Variants in ACTR3C observed in about 807,000 individuals in gnomAD.
The protein encoded by ACTR3C is actin-related protein 3C.
A neutral mutation model predicts 26.3 loss-of-function variants in ACTR3C; 18 were observed. That is an observed-to-expected ratio of 0.68 (90% CI 0.47 to 1.01). ACTR3C has a LOEUF of 1.01. ACTR3C is among the 50% of genes least tolerant of loss of function. ACTR3C has a pLI of 0.00. For missense variants in ACTR3C, 184 were observed against 250.7 expected (o/e 0.73, Z 1.80); for synonymous variants, 55 against 94.5 (o/e 0.58, Z 2.42).
downstream of ACTR3C, among the ~76,000 whole-genome samples, chr7:150,243,739 T>C (rs4015652): frequency 0.066 from 9,869 of 150,206 alleles, 1,151 homozygotes; most frequent in African/African-American, 0.24. Context: ...ATAGTTGTTA[T>C]GCCGGATTGT....
chr7:150,284,577 G>C (rs1835615527), intron 6 of ACTR3C, among the ~76,000 whole-genome samples, 176 bp downstream of exon 6: 1 of 151,980 alleles, frequency 6.6e-6, no homozygotes, highest in Admixed American at 6.6e-5. Flanking sequence ...AAAAATTCTA[G>C]TTAACTGAGT....
chr7:150,115,834 A>G, the ACTR3C span, among the ~76,000 whole-genome samples: 1 of 152,176 alleles, frequency 6.6e-6, no homozygotes, highest in South Asian at 2.1e-4. Context: ...ATGAAGGACC[A>G]TTCTAGCTTG....
chr7:150,182,118 G>C, the ACTR3C span, among the ~76,000 whole-genome samples: 1 of 150,478 alleles, frequency 6.6e-6, no homozygotes, highest in African/African-American at 2.5e-5. Flanking sequence ...GCCCTCCTGA[G>C]GATCTAAGTT....
chr7:149,985,229 C>CACACACAT, the ACTR3C span, among the ~76,000 whole-genome samples: 38 of 151,388 alleles, frequency 2.5e-4, no homozygotes, highest in African/African-American at 9.0e-4. Flanking sequence ...CACACACACA[C>CACACACAT]ACACACACAC....
chr7:150,208,262 C>T, the ACTR3C span, among the ~76,000 whole-genome samples: 1 of 152,004 alleles, frequency 6.6e-6, no homozygotes, highest in South Asian at 2.1e-4. Flanking sequence ...CTACAGTTTG[C>T]GCTAAAGGGT....
the ACTR3C span, among the ~76,000 whole-genome samples, chr7:150,023,318 C>G: frequency 2.5e-4 from 4 of 15,936 alleles, no homozygotes; most frequent in African/African-American, 4.7e-4. Flanking sequence ...TAGATAGATA[C>G]ATACATACAT....
chr7:150,164,690 C>A, the ACTR3C span, among the ~76,000 whole-genome samples: 1 of 151,998 alleles, frequency 6.6e-6, no homozygotes, highest in Non-Finnish European at 1.5e-5. Context: ...TGTCATACTT[C>A]AGGCCAGGAG....
chr7:150,225,594 TTC>T, the ACTR3C span, among the ~76,000 whole-genome samples: 1 of 152,224 alleles, frequency 6.6e-6, no homozygotes, highest in East Asian at 1.9e-4. Flanking sequence ...TGTGTACAGT[TTC>T]TTTTGACTGT....
chr7:149,953,181 A>G, the ACTR3C span, among the ~76,000 whole-genome samples: 1 of 149,624 alleles, frequency 6.7e-6, no homozygotes, highest in Admixed American at 6.6e-5. Flanking sequence ...GCAAAGCAGC[A>G]GGTTACAGAA....
the ACTR3C span, among the ~76,000 whole-genome samples, chr7:149,947,097 CCTA>C: frequency 6.6e-6 from 1 of 151,406 alleles, no homozygotes; most frequent in Non-Finnish European, 1.5e-5. Context: ...TTCCCCATGT[CCTA>C]CACATCACTG....
chr7:150,145,076 C>G, the ACTR3C span, among the ~76,000 whole-genome samples: 3 of 152,072 alleles, frequency 2.0e-5, no homozygotes, highest in East Asian at 1.9e-4. Context: ...AGATTCCCCC[C>G]CTTTCCTATT....
the ACTR3C span, among the ~76,000 whole-genome samples, chr7:150,069,844 A>T: frequency 2.6e-5 from 4 of 152,242 alleles, no homozygotes; most frequent in Non-Finnish European, 4.4e-5. Flanking sequence ...GAAGGGGTAG[A>T]TGTTGGCAGC....
chr7:149,949,577 CG>C, the ACTR3C span, among the ~76,000 whole-genome samples: 1 of 147,200 alleles, frequency 6.8e-6, no homozygotes, highest in African/African-American at 2.7e-5. Flanking sequence ...AAAAGATGGA[CG>C]AGAGAATGAG....
At chr7:150,236,482 G>T in the ACTR3C span, among the ~76,000 whole-genome samples, 2 of 152,272 alleles carry the variant, frequency 1.3e-5, no homozygotes, top group South Asian at 2.1e-4. Flanking sequence ...CACTGCAAAA[G>T]CTCTACATTC....
At chr7:150,156,800 C>T in the ACTR3C span, among the ~76,000 whole-genome samples, 1 of 152,036 alleles carries the variant, frequency 6.6e-6, no homozygotes, top group Non-Finnish European at 1.5e-5. Context: ...AATGTCATCC[C>T]ATTCCTTTCG....
chr7:150,184,447 TG>T, the ACTR3C span, among the ~76,000 whole-genome samples: 1 of 150,604 alleles, frequency 6.6e-6, no homozygotes, highest in Non-Finnish European at 1.5e-5. Flanking sequence ...GACTGGAACC[TG>T]GGTAACCATA....
At chr7:150,036,232 G>A in the ACTR3C span, among the ~76,000 whole-genome samples, 9 of 146,810 alleles carry the variant, frequency 6.1e-5, no homozygotes, top group East Asian at 5.8e-4. Flanking sequence ...ACAAAATGGG[G>A]GGCCTTTATG....
At chr7:150,155,635 C>T in the ACTR3C span, among the ~76,000 whole-genome samples, 1 of 148,282 alleles carries the variant, frequency 6.7e-6, no homozygotes, top group Admixed American at 6.8e-5. Context: ...TGTCCTGTGC[C>T]TCTGTGGTCT....
At chr7:150,097,197 G>A in the ACTR3C span, among the ~76,000 whole-genome samples, 2 of 151,914 alleles carry the variant, frequency 1.3e-5, no homozygotes, top group Admixed American at 6.5e-5. Context: ...AGAATCACAG[G>A]ACTCTGTGTT....
Sources: gnomAD v4.1 joint callset for allele counts (sites outside exome capture counted in the v4.1 genomes callset) on GRCh38, gnomAD v4.1.1 for gene constraint, MANE v1.5 for transcripts, NCBI Gene and HGNC (gene_info 2026-07-23, HGNC 2026-07-21) for gene names.